Variants in FILIP1 observed in about 807,000 individuals in gnomAD.
FILIP1 encodes the protein filamin-A-interacting protein 1.
Under a neutral mutation model 102.1 loss-of-function variants are expected in FILIP1, and 61 were observed. The observed-to-expected ratio is 0.60, with a 90% confidence interval of 0.49 to 0.74. FILIP1 has a LOEUF of 0.74. FILIP1 is among the 30% of genes least tolerant of loss of function. FILIP1 has a pLI of 0.00. For missense variants in FILIP1, 1,314 were observed against 1,441.2 expected (o/e 0.91, Z 1.43); for synonymous variants, 491 against 526.9 (o/e 0.93, Z 0.93).
chr6:75,379,141 T>G (rs73457747), intron 2 of FILIP1, among the ~76,000 whole-genome samples: 1 of 152,220 alleles, frequency 6.6e-6, no homozygotes, highest in Non-Finnish European at 1.5e-5. Flanking sequence ...TTAAATGTTA[T>G]GCATTTCATA....
At chr6:75,302,827 A>ATATGT (rs763024102) in intron 6 of FILIP1, among the ~76,000 whole-genome samples, 2 of 93,642 alleles carry the variant, frequency 2.1e-5, no homozygotes, top group Non-Finnish European at 5.3e-5. Flanking sequence ...ATATGACATG[A>ATATGT]TATGATATGA....
chr6:75,467,503 A>G (rs1473547772), intron 1 of FILIP1, among the ~76,000 whole-genome samples: 7 of 152,196 alleles, frequency 4.6e-5, no homozygotes, highest in Admixed American at 1.3e-4. Flanking sequence ...GCCTTCATAC[A>G]GTGAGCAGCA....
intron 2 of FILIP1, among the ~76,000 whole-genome samples, chr6:75,408,842 G>T (rs1401110346): frequency 6.6e-6 from 1 of 152,040 alleles, no homozygotes; most frequent in Non-Finnish European, 1.5e-5. Flanking sequence ...TCCCCCCAAA[G>T]CCTGCACTGT....
downstream of FILIP1, among the ~76,000 whole-genome samples, chr6:75,307,315 T>C (rs1465307471): frequency 6.6e-6 from 1 of 152,190 alleles, no homozygotes; most frequent in African/African-American, 2.4e-5. Flanking sequence ...GAGATAAAAA[T>C]CTAATCATAC....
intron 1 of FILIP1, among the ~76,000 whole-genome samples, chr6:75,469,427 GA>G (rs1414165625): frequency 6.6e-6 from 1 of 151,838 alleles, no homozygotes; most frequent in African/African-American, 2.4e-5. Flanking sequence ...AACAAAGACA[GA>G]AAAAGCTTGA....
intron 2 of FILIP1, among the ~76,000 whole-genome samples, chr6:75,375,427 A>G (rs1347521708): frequency 6.6e-6 from 1 of 152,140 alleles, no homozygotes; most frequent in Non-Finnish European, 1.5e-5. Flanking sequence ...CAGCCATCAG[A>G]CCCACAGCAG....
In FILIP1 at chr6:75,313,315, C is replaced by T; in HGVS notation, c.2517G>A (p.Arg839=). ...QEENHIMSNL[R]QVGLKKPVER... ...CCACGGGTTTCTTCAATCCCACCTG[C>T]CGAAGATTACTCATAATATGATTTT... The change falls in exon 5 of 6, where the codon CGG becomes CGA. Residue 839 remains arginine (R), a synonymous_variant. Coordinates refer to ENST00000237172, the MANE Select transcript of FILIP1 (RefSeq NM_015687.5). The surrounding 1 kb of genome is among the most constrained non-coding windows in gnomAD (Gnocchi z 4.2). 1.2e-6 allele frequency: 2 copies of T among 1,614,208 alleles called. No individual in the cohort carries two copies. Among genetic ancestry groups the T allele is most frequent in the Non-Finnish European group, 1.7e-6 (2 of 1,180,042 alleles).
chr6:75,332,123 T>C (rs1774104594), intron 4 of FILIP1, among the ~76,000 whole-genome samples: 1 of 152,124 alleles, frequency 6.6e-6, no homozygotes, highest in African/African-American at 2.4e-5. Context: ...CAGCCTATGG[T>C]ACTTTGTTAT....
At chr6:75,436,011 T>A (rs954858770) in intron 1 of FILIP1, among the ~76,000 whole-genome samples, 2 of 152,148 alleles carry the variant, frequency 1.3e-5, no homozygotes, top group African/African-American at 4.8e-5. Flanking sequence ...TTAAGACCAA[T>A]GGCAGGGCTG....
chr6:75,414,877 G>C lies in FILIP1; in HGVS notation c.96C>G (p.Leu32=), dbSNP rs1374101521. The part of the protein sequence containing the change: ...SIIGNAGEKS[L]SEDAKKKKKS... ...TCTTCTTCTTTTTTGCATCTTCTGA[G>C]AGACTTTTTTCACCAGCATTGCCGA... Residue 32 remains leucine (L), a synonymous_variant, in exon 2 of 6, where the codon CTC becomes CTG. Transcript: ENST00000237172. 4 of 1,613,706 alleles carry C rather than the reference G, an allele frequency of 2.5e-6. No individual in the cohort carries two copies. The Admixed American group carries it at 6.7e-5, about 27-fold the overall frequency.
chr6:75,483,909 G>A (rs1473877187), intron 1 of FILIP1, among the ~76,000 whole-genome samples: 1 of 152,092 alleles, frequency 6.6e-6, no homozygotes, highest in African/African-American at 2.4e-5. Flanking sequence ...AATTCCCTCA[G>A]CCTCCTTATC....
At position 75,308,360 on chromosome 6, in the gene FILIP1, C is replaced by T. The variant is rs1440336678; in HGVS notation, c.*331G>A. 9.6e-7 allele frequency: 1 copy of T among 1,036,588 alleles called. No homozygotes were observed. Among genetic ancestry groups the T allele is most frequent in the Non-Finnish European group, 1.2e-6 (1 of 857,540 alleles). The allele number at this position is 1,036,588 out of a possible 1,614,324, so 64.2% of individuals were successfully genotyped here. On this transcript the variant is annotated 3_prime_UTR_variant, in exon 6 of 6. Transcript: ENST00000237172. ...GCAATTAGGAAATATGGGAGCCGGA[C>T]TTGAAGAGCGTGTGATTGAGTCCCC...
chr6:75,438,841 A>G (rs1778110120), intron 1 of FILIP1, among the ~76,000 whole-genome samples: 1 of 152,180 alleles, frequency 6.6e-6, no homozygotes, highest in South Asian at 2.1e-4. Context: ...TGGACTCTTT[A>G]TTAAGATGAG....
intron 4 of FILIP1, among the ~76,000 whole-genome samples, chr6:75,338,826 A>G (rs1261430272): frequency 6.6e-6 from 1 of 152,220 alleles, no homozygotes; most frequent in Non-Finnish European, 1.5e-5. Context: ...TTAAAAACTC[A>G]ATCCAACTAG....
intron 2 of FILIP1, among the ~76,000 whole-genome samples, chr6:75,402,431 C>A (rs1279160505): frequency 6.6e-6 from 1 of 152,178 alleles, no homozygotes; most frequent in Non-Finnish European, 1.5e-5. Flanking sequence ...TGAGGTTTCA[C>A]TGGGCAGCCT....
At chr6:75,461,674 T>G (rs1232723265) in intron 1 of FILIP1, among the ~76,000 whole-genome samples, 2 of 152,150 alleles carry the variant, frequency 1.3e-5, no homozygotes, top group East Asian at 1.9e-4. Context: ...ATTATTTGAT[T>G]TCTTTAGACC....
intron 6 of FILIP1, among the ~76,000 whole-genome samples, chr6:75,300,177 G>A (rs1772798126): frequency 2.0e-5 from 3 of 151,992 alleles, no homozygotes; most frequent in African/African-American, 7.3e-5. Context: ...TTAATAGCTA[G>A]CCTCTAAGTT....
exon 7 of FILIP1, chr6:75,295,028 C>T (rs1772635070): frequency 6.6e-6 from 1 of 151,958 alleles, no homozygotes; most frequent in Non-Finnish European, 1.5e-5. Context: ...AAGATCCTGA[C>T]ATTTTAGGTC....
intron 4 of FILIP1, among the ~76,000 whole-genome samples, chr6:75,346,057 G>A (rs943168589): frequency 3.9e-5 from 6 of 152,084 alleles, no homozygotes; most frequent in African/African-American, 1.2e-4. Flanking sequence ...GTAGTAAAAC[G>A]TGATCAGAAC....
Sources: gnomAD v4.1 joint callset for allele counts (sites outside exome capture counted in the v4.1 genomes callset) on GRCh38, gnomAD v4.1.1 for gene constraint, Gnocchi (gnomAD v3.1) non-coding constraint, MANE v1.5 for transcripts, NCBI Gene and HGNC (gene_info 2026-07-23, HGNC 2026-07-21) for gene names.